The following PDE1C variants were observed in gnomAD, a reference collection of about 807,000 sequenced individuals.
PDE1C encodes the protein phosphodiesterase 1C.
PDE1C carries 62 observed loss-of-function variants against 93.1 expected under a neutral mutation model. The ratio of observed to expected loss-of-function variants is 0.67; its 90% CI spans 0.54 to 0.82. The LOEUF (loss-of-function observed/expected upper bound fraction) is 0.82, where lower values mean the gene tolerates loss of function less well. Among genes scored for constraint, PDE1C ranks in the 40% least tolerant of loss-of-function variants. PDE1C has a pLI of 0.00. For missense variants in PDE1C, 742 were observed against 884.6 expected (o/e 0.84, Z 2.04); for synonymous variants, 325 against 310.1 (o/e 1.05, Z -0.50).
the PDE1C span, among the ~76,000 whole-genome samples, chr7:31,639,368 A>G: frequency 6.6e-6 from 1 of 151,702 alleles, no homozygotes; most frequent in Non-Finnish European, 1.5e-5. Context: ...GCAGTCTCTA[A>G]TCTGCTATAT....
chr7:31,928,998 TAA>T (rs1003239863), intron 2 of PDE1C, among the ~76,000 whole-genome samples: 1 of 151,940 alleles, frequency 6.6e-6, no homozygotes, highest in Non-Finnish European at 1.5e-5. Context: ...GCAAATTGGA[TAA>T]AGAGTCAAGA....
intron 17 of PDE1C, among the ~76,000 whole-genome samples, chr7:31,754,444 T>C (rs1794322800): frequency 6.6e-6 from 1 of 152,230 alleles, no homozygotes; most frequent in Admixed American, 6.5e-5. Context: ...TGAATTTTTG[T>C]AGAATCTTTA....
the PDE1C span, among the ~76,000 whole-genome samples, chr7:31,674,091 CA>C: frequency 1.8e-4 from 27 of 152,266 alleles, no homozygotes; most frequent in African/African-American, 6.3e-4. Flanking sequence ...TACACCTGTG[CA>C]ACTTAAACTA....
the PDE1C span, among the ~76,000 whole-genome samples, chr7:31,631,392 A>C: frequency 6.6e-6 from 1 of 152,260 alleles, no homozygotes; most frequent in African/African-American, 2.4e-5. Flanking sequence ...TTTACAAAAC[A>C]CAGACATATA....
chr7:32,120,952 T>C (rs1050673906), intron 3 of PDE1C, among the ~76,000 whole-genome samples: 4 of 152,184 alleles, frequency 2.6e-5, no homozygotes, highest in African/African-American at 9.7e-5. Flanking sequence ...GAGCGTGTTC[T>C]AATCCAATGC....
intron 1 of PDE1C, among the ~76,000 whole-genome samples, chr7:32,209,991 C>T (rs59752905): frequency 0.071 from 10,747 of 152,072 alleles, 1,309 homozygotes; most frequent in African/African-American, 0.24. Context: ...GCAGGAATTT[C>T]GGAAGATAAA....
At chr7:31,626,186 T>C in the PDE1C span, among the ~76,000 whole-genome samples, 83,577 of 152,058 alleles carry the variant, frequency 0.55, 23,367 homozygotes, top group East Asian at 0.83. Context: ...CTTTGGGCTT[T>C]CTTTTTGTAA....
chr7:31,956,762 T>G (rs953977499), intron 2 of PDE1C, among the ~76,000 whole-genome samples: 9 of 152,024 alleles, frequency 5.9e-5, no homozygotes, highest in Admixed American at 5.2e-4. Flanking sequence ...CAAACTAAAA[T>G]TCCTAACTTT....
intron 1 of PDE1C, among the ~76,000 whole-genome samples, chr7:32,295,337 G>A (rs1400429937): frequency 6.6e-6 from 1 of 152,168 alleles, no homozygotes; most frequent in Non-Finnish European, 1.5e-5. Flanking sequence ...CGGGCTGACG[G>A]GTCAGGGCAG....
At chr7:32,331,341 G>A (rs1783511215) in intron 1 of PDE1C, among the ~76,000 whole-genome samples, 2 of 152,190 alleles carry the variant, frequency 1.3e-5, no homozygotes, top group Admixed American at 6.5e-5. Context: ...GCTGGTGTGC[G>A]AAGCAAGACT....
chr7:31,931,979 T>C (rs985415476), intron 2 of PDE1C, among the ~76,000 whole-genome samples: 2 of 152,178 alleles, frequency 1.3e-5, no homozygotes, highest in Non-Finnish European at 2.9e-5. Context: ...GGATTCCCTA[T>C]TTAATAAATG....
intron 3 of PDE1C, among the ~76,000 whole-genome samples, chr7:32,094,240 A>T (rs10951321): frequency 6.6e-6 from 1 of 151,990 alleles, no homozygotes; most frequent in African/African-American, 2.4e-5. Context: ...AAGAGATGCC[A>T]CAAAGAGTAA....
intron 2 of PDE1C, among the ~76,000 whole-genome samples, chr7:32,006,720 G>A (rs911619259): frequency 2.6e-5 from 4 of 152,232 alleles, no homozygotes; most frequent in South Asian, 2.1e-4. Context: ...TGGAAGAAAC[G>A]TGGTTGATGC....
chr7:32,378,057 C>T (rs1038773057), intron 1 of PDE1C, among the ~76,000 whole-genome samples: 2 of 152,286 alleles, frequency 1.3e-5, no homozygotes, highest in Non-Finnish European at 2.9e-5. Flanking sequence ...GTGGTCCAGA[C>T]GAGGACTGAA....
intron 1 of PDE1C, among the ~76,000 whole-genome samples, chr7:32,412,908 G>GA (rs60534477): frequency 6.0e-5 from 9 of 151,212 alleles, no homozygotes; most frequent in Admixed American, 1.3e-4. Context: ...ACATAGCACG[G>GA]AAAAAAAAAT....
chr7:32,404,416 A>T (rs365970), intron 1 of PDE1C, among the ~76,000 whole-genome samples: 136,319 of 152,090 alleles, frequency 0.9, 62,553 homozygotes, highest in Non-Finnish European at 0.99. Context: ...TGCAGTGGCA[A>T]GAACACAGCT....
At chr7:32,014,625 G>A (rs986604926) in intron 2 of PDE1C, among the ~76,000 whole-genome samples, 7 of 151,838 alleles carry the variant, frequency 4.6e-5, no homozygotes, top group South Asian at 2.1e-4. Context: ...TCCACCTTCC[G>A]ACAGGCCCCA....
At chr7:32,419,015 C>T (rs1785332205) in intron 1 of PDE1C, among the ~76,000 whole-genome samples, 1 of 152,128 alleles carries the variant, frequency 6.6e-6, no homozygotes, top group South Asian at 2.1e-4. Context: ...TCTCTGACAT[C>T]AGTAAGGGAG....
At chr7:31,835,277 G>A (rs1197286115) in intron 11 of PDE1C, among the ~76,000 whole-genome samples, 1 of 152,104 alleles carries the variant, frequency 6.6e-6, no homozygotes, top group African/African-American at 2.4e-5. Context: ...ATGACAGGGG[G>A]AGTGGAGATT....
Sources: allele counts gnomAD v4.1 joint callset (sites outside exome capture counted in the v4.1 genomes callset), GRCh38; gene constraint gnomAD v4.1.1; transcripts MANE v1.5; gene names NCBI Gene and HGNC (gene_info 2026-07-23, HGNC 2026-07-21).